The following NRL variants were observed in gnomAD, a reference collection of about 807,000 sequenced individuals.
NRL encodes the protein neural retina-specific leucine zipper protein.
In NRL, 16 loss-of-function variants were observed where a neutral mutation model predicts 12.5. The observed-to-expected ratio is 1.28, with a 90% CI of 0.87 to 1.95. The LOEUF (loss-of-function observed/expected upper bound fraction) is 1.95. Ranked by LOEUF, NRL falls within the 30% of genes most tolerant of loss-of-function variation. The probability of loss-of-function intolerance (pLI) is 0.00; values close to 1 mark genes in which losing one functional copy is unlikely to be tolerated. For synonymous variants in NRL, 142 were observed against 150.9 expected (o/e 0.94, Z 0.43); for missense variants, 314 against 325.8 (o/e 0.96, Z 0.28).
chr14:24,104,068 T>C (rs1417770906), intron 1 of NRL: 11 of 743,312 alleles, frequency 1.5e-5, no homozygotes, highest in Non-Finnish European at 2.3e-5. Flanking sequence ...ACATCTTCAA[T>C]GTGCCATAGA....
chr14:24,097,261 A>T lies in NRL; in HGVS notation c.-27-14386T>A, dbSNP rs1197679123. On this transcript the variant is annotated intron_variant, in intron 1 of 2. Coordinates refer to ENST00000561028, the MANE Select transcript of NRL (RefSeq NM_001354768.3). ...AACAAGAATGAGAGCTTTGGGGTAA[A>T]CAGACCCAGAAACTGGGATTTGCTT... is the stretch of plus-strand genomic sequence containing the variant. 1.2e-5 allele frequency: 11 copies of T among 898,696 alleles called. No individual in the cohort carries two copies. The East Asian group carries it at 2.8e-4, about 23-fold the overall frequency. 55.7% of individuals were successfully genotyped at this position (898,696 alleles called of 1,614,324 possible). A position where few individuals can be genotyped will look rare whatever the true frequency, so the allele number is the denominator to read the frequency against.
Position 24,094,627 on chromosome 14 carries a change from C to A in NRL, c.-27-11752G>T. The A allele has an allele frequency of 6.8e-7, 1 of 1,473,842 alleles. No homozygotes were observed. The highest frequency in any genetic ancestry group is 1.4e-5 in the South Asian group (1 of 73,376). 91.3% of individuals were successfully genotyped at this position (1,473,842 alleles called of 1,614,324 possible). A position where few individuals can be genotyped will look rare whatever the true frequency, so the allele number is the denominator to read the frequency against. On this transcript the variant is annotated intron_variant, in intron 1 of 2. Transcript: ENST00000561028. This position sits in a 1 kb window ranked among gnomAD's most constrained non-coding sequence, Gnocchi z 4.1. The stretch of plus-strand genomic sequence containing the variant: ...GGGAGGGCAGCCGGCCGGTGCTCCT[C>A]GTTTCCGCCTGCACCTCCCCTTCTC...
At chr14:24,101,101 T>C (rs2037143324) in intron 1 of NRL, among the ~76,000 whole-genome samples, 1 of 152,136 alleles carries the variant, frequency 6.6e-6, no homozygotes, top group African/African-American at 2.4e-5. Flanking sequence ...CCTTTATTTT[T>C]ACTAACACCA....
intron 1 of NRL, among the ~76,000 whole-genome samples, chr14:24,111,144 C>A (rs1414752358): frequency 2.6e-5 from 4 of 152,154 alleles, no homozygotes; most frequent in African/African-American, 9.6e-5. Context: ...CGATGGCCGG[C>A]TATTTTTTTT....
In NRL at chr14:24,094,166, C is replaced by T. The variant is rs2036739127; in HGVS notation, c.-27-11291G>A. 3 of 548,826 alleles carry T rather than the reference C, an allele frequency of 5.5e-6. No individual in the cohort carries two copies. The highest frequency in any genetic ancestry group is 2.2e-5 in the South Asian group (1 of 45,038). The allele number at this position is 548,826 out of a possible 1,614,324, so 34.0% of individuals were successfully genotyped here. A position where few individuals can be genotyped will look rare whatever the true frequency, so the allele number is the denominator to read the frequency against. On this transcript the variant is annotated intron_variant, in intron 1 of 2. Coordinates refer to ENST00000561028, the MANE Select transcript of NRL (RefSeq NM_001354768.3). This position sits in a 1 kb window ranked among gnomAD's most constrained non-coding sequence, Gnocchi z 4.1. ...GGTTTGGAGGCAGGGGTTGGGGCGG[C>T]GGCTGGGCTGACCTGGAGCCTGGAG...
At chr14:24,103,382 A>G in intron 1 of NRL, 1 of 1,156,584 alleles carries the variant, frequency 8.6e-7, no homozygotes, top group South Asian at 1.3e-5. Flanking sequence ...TCCCACTTCT[A>G]TCTTTTCCCC....
chr14:24,094,100 AAG>A lies in NRL; in HGVS notation c.-27-11227_-27-11226del, dbSNP rs2036733744. 1.9e-6 allele frequency: 1 copy of A among 533,794 alleles called. No homozygotes were observed. Among genetic ancestry groups the A allele is most frequent in the Non-Finnish European group, 3.3e-6 (1 of 304,954 alleles). 33.1% of individuals were successfully genotyped at this position (533,794 alleles called of 1,614,324 possible). On this transcript the variant is annotated intron_variant, in intron 1 of 2. Transcript: ENST00000561028. The surrounding 1 kb of genome is among the most constrained non-coding windows in gnomAD (Gnocchi z 4.1). Reference sequence around the variant, plus strand: ...GGCGGGGCCTCGAAGTCGGGGGCCGAAGAGTGGACCCAGTCCTCCAATGGGAG... The same window carrying A: ...GGCGGGGCCTCGAAGTCGGGGGCCGAAGTGGACCCAGTCCTCCAATGGGAG...
At chr14:24,114,111 G>A (rs1439572404) in intron 1 of NRL, 1 of 152,446 alleles carries the variant, frequency 6.6e-6, no homozygotes, top group African/African-American at 2.4e-5. Flanking sequence ...GCACCGCGAG[G>A]ACAGAGGGAC....
chr14:24,087,849 G>A (rs2138890335), intron 1 of NRL, among the ~76,000 whole-genome samples: 1 of 152,262 alleles, frequency 6.6e-6, no homozygotes, highest in African/African-American at 2.4e-5. Context: ...GGCCAAGATG[G>A]GTGGATCGCT....
In NRL at chr14:24,085,990, GC is replaced by G. The variant is rs1417960673; in HGVS notation, c.-27-3116del. ...CCAGCATTTTGGGAGGCCAAGGTGG[GC>G]GGATCACTTGAGGTCAGGAGTTCAA... On this transcript the variant is annotated intron_variant, in intron 1 of 2. Transcript: ENST00000561028. The surrounding 1 kb of genome is among the most constrained non-coding windows in gnomAD (Gnocchi z 4.1). Among the ~76,000 whole-genome samples, 4 of 152,322 alleles carry G rather than the reference GC, an allele frequency of 2.6e-5. No homozygotes were observed. The highest frequency in any genetic ancestry group is 2.0e-4 in the Admixed American group (3 of 15,290).
intron 1 of NRL, chr14:24,096,903 ATGGGCTGAGCCCCT>A (rs2138938823): frequency 1.2e-6 from 2 of 1,613,442 alleles, no homozygotes; most frequent in East Asian, 4.5e-5. Flanking sequence ...CTTAACTGGC[ATGGGCTGAGCCCCT>A]TGGGCTGGCC....
chr14:24,105,947 A>C (rs1415820697), intron 1 of NRL, among the ~76,000 whole-genome samples: 1 of 152,232 alleles, frequency 6.6e-6, no homozygotes, highest in African/African-American at 2.4e-5. Context: ...CGTGTTTCTC[A>C]AACTTAAAAG....
intron 1 of NRL, among the ~76,000 whole-genome samples, chr14:24,083,836 C>T (rs889050811): frequency 6.6e-6 from 1 of 152,136 alleles, no homozygotes; most frequent in Admixed American, 6.5e-5. Context: ...TTTAGTAAAC[C>T]GTCTGTTCAA....
At chr14:24,101,910 T>C (rs2037177065) in intron 1 of NRL, among the ~76,000 whole-genome samples, 1 of 151,346 alleles carries the variant, frequency 6.6e-6, no homozygotes. Context: ...TGAGACTCCG[T>C]CTCATAACTA....
At chr14:24,082,092 A>C in intron 2 of NRL, 1 of 1,217,104 alleles carries the variant, frequency 8.2e-7, no homozygotes, top group Non-Finnish European at 1.0e-6. Flanking sequence ...AAGTCTTGAA[A>C]AGGCCAATCT....
chr14:24,082,448 C>G lies in NRL; in HGVS notation c.381+20G>C, dbSNP rs770073939. The G allele has an allele frequency of 1.7e-5, 27 of 1,611,904 alleles. No homozygotes were observed. The highest frequency in any genetic ancestry group is 1.6e-5 in the Non-Finnish European group (19 of 1,180,016). ...CTTCCTTGCCCTGCCTCCCCTCAGG[C>G]CAGCTTGCTGACCACTCACCTGGAC... On this transcript the variant is annotated intron_variant, in intron 2 of 2. Transcript: ENST00000561028.
chr14:24,084,733 A>G lies in NRL; in HGVS notation c.-27-1858T>C, dbSNP rs1654048348. On this transcript the variant is annotated intron_variant, in intron 1 of 2. Transcript: ENST00000561028. ...CCAATAAGGTAAGGAGATCATTTGC[A>G]TATCTTATTGGCCTGGGGTTGGGGG... 4.1e-6 allele frequency: 4 copies of G among 984,694 alleles called. No individual in the cohort carries two copies. In the South Asian group the frequency reaches 1.4e-4, roughly 35 times the overall value. The allele number at this position is 984,694 out of a possible 1,614,324, so 61.0% of individuals were successfully genotyped here. A position where few individuals can be genotyped will look rare whatever the true frequency, so the allele number is the denominator to read the frequency against.
rs1373970364 is a variant in NRL at position 24,081,616 on chromosome 14, G to T, written c.382-48C>A. On this transcript the variant is annotated intron_variant, in intron 2 of 2. Coordinates refer to ENST00000561028, the MANE Select transcript of NRL (RefSeq NM_001354768.3). This position sits in a 1 kb window ranked among gnomAD's most constrained non-coding sequence, Gnocchi z 4.4. ...CCGGGTCAGCGCCAGGTCGCACCCG[G>T]CTCTGCCCTGAGGGCCCGACGCTAC... 1.9e-6 allele frequency: 3 copies of T among 1,550,288 alleles called. No individual in the cohort carries two copies. Among genetic ancestry groups the T allele is most frequent in the Admixed American group, 1.9e-5 (1 of 51,382 alleles).
At chr14:24,087,785 A>G (rs2036502030) in intron 1 of NRL, among the ~76,000 whole-genome samples, 1 of 152,162 alleles carries the variant, frequency 6.6e-6, no homozygotes, top group Non-Finnish European at 1.5e-5. Context: ...ACATCAAATT[A>G]TTGCCCTTTG....
Sources: allele counts gnomAD v4.1 joint callset (sites outside exome capture counted in the v4.1 genomes callset), GRCh38; gene constraint gnomAD v4.1.1; non-coding constraint Gnocchi (gnomAD v3.1); transcripts MANE v1.5; gene names NCBI Gene and HGNC (gene_info 2026-07-23, HGNC 2026-07-21).